Variants in MCTP1 observed in about 807,000 individuals in gnomAD.
The protein encoded by MCTP1 is multiple C2 and transmembrane domain containing 1.
MCTP1 carries 69 observed loss-of-function variants against 120.6 expected under a neutral mutation model. That is an observed-to-expected ratio of 0.57 (90% confidence interval 0.47 to 0.70). MCTP1 has a LOEUF of 0.70. Ranked by LOEUF, MCTP1 falls within the 30% of genes least tolerant of loss-of-function variation. The pLI is 0.00. For missense variants in MCTP1, 1,203 were observed against 1,248.8 expected (o/e 0.96, Z 0.55); for synonymous variants, 529 against 493.1 (o/e 1.07, Z -0.96).
At chr5:94,779,251 T>C (rs1262388141) in intron 18 of MCTP1, 88 bp from the exon 19 acceptor site, 11 of 1,093,572 alleles carry the variant, frequency 1.0e-5, no homozygotes, top group African/African-American at 1.5e-5. Flanking sequence ...ATGAAAACTT[T>C]ATTAACATTT....
At chr5:94,920,727 G>A (rs902213227) in intron 7 of MCTP1, among the ~76,000 whole-genome samples, 5 of 148,820 alleles carry the variant, frequency 3.4e-5, no homozygotes, top group African/African-American at 1.2e-4. Flanking sequence ...GGGCGACAGA[G>A]GGAGATTCCG....
chr5:94,868,119 G>T, intron 17 of MCTP1: 1 of 367,606 alleles, frequency 2.7e-6, no homozygotes, highest in Non-Finnish European at 4.7e-6. Flanking sequence ...GATGTCTTGC[G>T]TTCCGGAAAT....
At chr5:94,801,948 T>C (rs1312233183) in intron 17 of MCTP1, among the ~76,000 whole-genome samples, 1 of 152,190 alleles carries the variant, frequency 6.6e-6, no homozygotes, top group Non-Finnish European at 1.5e-5. Context: ...AATACATCAA[T>C]AACTTTCTTA....
chr5:94,934,524 T>G (rs1815656649), intron 5 of MCTP1, among the ~76,000 whole-genome samples: 1 of 151,790 alleles, frequency 6.6e-6, no homozygotes, highest in African/African-American at 2.4e-5. Context: ...CTCCACGATC[T>G]CAATCCATTT....
intron 1 of MCTP1, among the ~76,000 whole-genome samples, chr5:95,277,744 C>T (rs1286197743): frequency 6.6e-6 from 1 of 152,094 alleles, no homozygotes; most frequent in Non-Finnish European, 1.5e-5. Flanking sequence ...TAGGAGGATA[C>T]AAAGATCCTA....
At chr5:95,088,039 G>A (rs1755565963) in intron 1 of MCTP1, among the ~76,000 whole-genome samples, 1 of 152,186 alleles carries the variant, frequency 6.6e-6, no homozygotes, top group African/African-American at 2.4e-5. Context: ...ATCTTCAGCT[G>A]TTTCACTTCT....
At chr5:95,006,460 A>G (rs567221701) in intron 2 of MCTP1, among the ~76,000 whole-genome samples, 27 of 152,292 alleles carry the variant, frequency 1.8e-4, no homozygotes, top group African/African-American at 5.8e-4. Flanking sequence ...AAAATTTCCC[A>G]ATGGCAAAAC....
At chr5:94,754,576 A>G (rs1387248637) in intron 19 of MCTP1, among the ~76,000 whole-genome samples, 2 of 152,238 alleles carry the variant, frequency 1.3e-5, no homozygotes, top group Admixed American at 6.5e-5. Context: ...ATCCAAAGCC[A>G]TAGGTAAAAA....
chr5:94,820,921 G>A (rs1785491778), intron 17 of MCTP1, among the ~76,000 whole-genome samples: 1 of 152,118 alleles, frequency 6.6e-6, no homozygotes, highest in Admixed American at 6.6e-5. Context: ...TGAGATAGGC[G>A]CTTTTCATAC....
intron 1 of MCTP1, among the ~76,000 whole-genome samples, chr5:95,171,557 G>A (rs868652306): frequency 5.3e-5 from 8 of 152,146 alleles, no homozygotes; most frequent in African/African-American, 1.4e-4. Context: ...CCAATCAGAC[G>A]TAGATTTGGT....
At position 95,012,546 on chromosome 5, in the gene MCTP1, C is replaced by G. The variant is rs1343148855; in HGVS notation, c.838+4821G>C. Among the ~76,000 whole-genome samples the G allele has an allele frequency of 4.6e-5, 7 of 152,260 alleles. No homozygotes were observed. The South Asian group carries it at 6.2e-4, about 14-fold the overall frequency. On this transcript the variant is annotated intron_variant, in intron 2 of 22. Coordinates refer to ENST00000515393, the MANE Select transcript of MCTP1 (RefSeq NM_024717.7). ...AAGTCTATCAGCACCATTTTTCAAA[C>G]AGCATATGCTCACTTCATGTCTCTG...
chr5:94,791,500 T>TACACACACACACACACACACACAC (rs1215532713), intron 18 of MCTP1, among the ~76,000 whole-genome samples: 1 of 149,070 alleles, frequency 6.7e-6, no homozygotes, highest in African/African-American at 2.5e-5. Context: ...GTTTCTAAAA[T>TACACACACACACACACACACACAC]ACACACACAC....
At position 94,944,318 on chromosome 5, in the gene MCTP1, T is replaced by C. The variant is rs146668075; in HGVS notation, c.982-1891A>G. On this transcript the variant is annotated intron_variant, in intron 3 of 22. Transcript: ENST00000515393. Reference sequence around the variant, plus strand: ...GCAATAAATATTCTCCTTGATCAATTACACTTCTGAGCTTTAGTCATCTGC... The same window carrying C: ...GCAATAAATATTCTCCTTGATCAATCACACTTCTGAGCTTTAGTCATCTGC... Among the ~76,000 whole-genome samples, 512 of 152,260 alleles carry C rather than the reference T, an allele frequency of 3.4e-3. 5 individuals are homozygous for C. Among genetic ancestry groups the C allele is most frequent in the African/African-American group, 0.012 (484 of 41,552 alleles).
intron 1 of MCTP1, among the ~76,000 whole-genome samples, chr5:95,110,683 T>C (rs1271013442): frequency 2.6e-5 from 4 of 152,180 alleles, no homozygotes; most frequent in East Asian, 3.8e-4. Context: ...AAATGTGGCA[T>C]CGAGTATACC....
At chr5:94,734,283 G>T (rs1763723243) in intron 19 of MCTP1, among the ~76,000 whole-genome samples, 1 of 152,112 alleles carries the variant, frequency 6.6e-6, no homozygotes, top group South Asian at 2.1e-4. Flanking sequence ...ATATTTTTTA[G>T]GATGCAGTCT....
At chr5:95,025,365 C>T (rs1839065765) in intron 1 of MCTP1, among the ~76,000 whole-genome samples, 2 of 152,116 alleles carry the variant, frequency 1.3e-5, no homozygotes, top group Admixed American at 1.3e-4. Context: ...ATATATCCAC[C>T]TGCAGACAAT....
intron 17 of MCTP1, among the ~76,000 whole-genome samples, chr5:94,865,376 T>TTA (rs1796613850): frequency 1.3e-5 from 2 of 151,836 alleles, no homozygotes; most frequent in African/African-American, 2.4e-5. Flanking sequence ...CACTTAAACA[T>TTA]TATAAAGTTT....
At chr5:94,927,169 A>T (rs896096348) in intron 6 of MCTP1, among the ~76,000 whole-genome samples, 1 of 152,234 alleles carries the variant, frequency 6.6e-6, no homozygotes, top group African/African-American at 2.4e-5. Flanking sequence ...TGTGGGGCTA[A>T]TGAAATATCT....
intron 1 of MCTP1, among the ~76,000 whole-genome samples, chr5:95,053,749 A>G (rs191485798): frequency 1.3e-3 from 201 of 151,982 alleles, no homozygotes; most frequent in African/African-American, 4.8e-3. Flanking sequence ...ACAATCCTTT[A>G]AAAGTGACGT....
Sources: gnomAD v4.1 joint callset for allele counts (sites outside exome capture counted in the v4.1 genomes callset) on GRCh38, gnomAD v4.1.1 for gene constraint, MANE v1.5 for transcripts, NCBI Gene and HGNC (gene_info 2026-07-23, HGNC 2026-07-21) for gene names.